NRXN1: variants seen among roughly 807,000 people sequenced by gnomAD.
NRXN1 encodes neurexin 1.
NRXN1 carries 39 observed loss-of-function variants against 150.9 expected under a neutral mutation model. That is an observed-to-expected ratio of 0.26 (90% CI 0.20 to 0.34). The LOEUF (loss-of-function observed/expected upper bound fraction) is 0.34. Among genes scored for constraint, NRXN1 ranks in the 10% least tolerant of loss-of-function variants. The pLI is 1.00. For missense variants in NRXN1, 1,815 were observed against 1,949.9 expected (o/e 0.93, Z 1.30); for synonymous variants, 924 against 757.0 (o/e 1.22, Z -3.62).
chr2:50,035,002 A>C (rs1558739316), intron 21 of NRXN1, among the ~76,000 whole-genome samples: 1 of 152,124 alleles, frequency 6.6e-6, no homozygotes, highest in Non-Finnish European at 1.5e-5. Context: ...GTAGAGTTAA[A>C]GTCATATACC....
At chr2:49,952,298 A>C (rs952212815) in intron 21 of NRXN1, among the ~76,000 whole-genome samples, 10 of 152,070 alleles carry the variant, frequency 6.6e-5, no homozygotes, top group Admixed American at 3.3e-4. Context: ...AGAGTACTGG[A>C]TTTTAGATAA....
chr2:50,351,053 G>A (rs1422416462), intron 17 of NRXN1, among the ~76,000 whole-genome samples: 1 of 152,172 alleles, frequency 6.6e-6, no homozygotes, highest in Non-Finnish European at 1.5e-5. Context: ...GCAAAAACAT[G>A]AGTAATCTGG....
intron 21 of NRXN1, chr2:49,974,123 G>A: frequency 1.4e-6 from 1 of 715,420 alleles, no homozygotes; most frequent in Non-Finnish European, 2.6e-6. Context: ...CTCAGTGGGA[G>A]ATCAAGATGA....
intron 14 of NRXN1, 28 bp from the exon 15 acceptor site, chr2:50,496,123 T>A: frequency 6.5e-7 from 1 of 1,538,160 alleles, no homozygotes; most frequent in Non-Finnish European, 8.8e-7. Flanking sequence ...GAGGGGAAAG[T>A]GCCATCACTT....
At chr2:50,930,491 T>C (rs1687578732) in intron 2 of NRXN1, among the ~76,000 whole-genome samples, 1 of 152,172 alleles carries the variant, frequency 6.6e-6, no homozygotes, top group South Asian at 2.1e-4. Flanking sequence ...TAATAACTGT[T>C]AGTCAACATA....
chr2:50,121,777 T>A (rs528680136), intron 18 of NRXN1, among the ~76,000 whole-genome samples: 1 of 152,206 alleles, frequency 6.6e-6, no homozygotes, highest in Non-Finnish European at 1.5e-5. Context: ...TACTTTGTTA[T>A]TAAGGATTAG....
At chr2:50,699,451 T>C (rs933438468) in intron 5 of NRXN1, among the ~76,000 whole-genome samples, 4 of 152,028 alleles carry the variant, frequency 2.6e-5, no homozygotes, top group Admixed American at 2.6e-4. Flanking sequence ...GGAGCTTTGT[T>C]TGGAGCAGGA....
intron 2 of NRXN1, among the ~76,000 whole-genome samples, chr2:50,996,852 T>C (rs1699373770): frequency 6.6e-6 from 1 of 152,030 alleles, no homozygotes; most frequent in Admixed American, 6.6e-5. Context: ...TACATTAGGA[T>C]TCTTCACATG....
chr2:50,086,716 G>A (rs933432190), intron 19 of NRXN1, among the ~76,000 whole-genome samples: 1 of 151,860 alleles, frequency 6.6e-6, no homozygotes, highest in Non-Finnish European at 1.5e-5. Context: ...CCTACAACTG[G>A]TTTCCATTTC....
At chr2:50,241,057 G>T (rs1054071091) in intron 17 of NRXN1, among the ~76,000 whole-genome samples, 1 of 151,522 alleles carries the variant, frequency 6.6e-6, no homozygotes, top group African/African-American at 2.4e-5. Context: ...TTGTAGCACA[G>T]ATTAGGACTT....
chr2:50,545,078 C>A (rs963086334), intron 9 of NRXN1, among the ~76,000 whole-genome samples: 1 of 151,956 alleles, frequency 6.6e-6, no homozygotes, highest in African/African-American at 2.4e-5. Context: ...AATTTTTCAA[C>A]GCCAAATTAT....
chr2:50,619,051 G>A (rs994620064), intron 8 of NRXN1: 2 of 152,054 alleles, frequency 1.3e-5, no homozygotes, highest in African/African-American at 4.8e-5. Flanking sequence ...AGAAGACAGG[G>A]AAGGATAATT....
At position 50,319,328 on chromosome 2, in the gene NRXN1, G is replaced by A. The variant is rs528219954; in HGVS notation, c.3365-82358C>T. Among the ~76,000 whole-genome samples the A allele has an allele frequency of 6.1e-4, 93 of 152,204 alleles. 1 individual carries two copies. The highest frequency in any genetic ancestry group is 2.1e-3 in the African/African-American group (89 of 41,542). ...TTAGAAATACTATGCTTCATAAAAC[G>A]TAGCATAAAGTTACACTGGCTGATA... On this transcript the variant is annotated intron_variant, in intron 17 of 22. Transcript: ENST00000401669.
chr2:50,917,212 A>G (rs1685332568), intron 5 of NRXN1: 1 of 151,636 alleles, frequency 6.6e-6, no homozygotes, highest in Non-Finnish European at 1.5e-5. Flanking sequence ...AGGGTCTGTC[A>G]ACATTCACAA....
At chr2:50,201,259 C>T (rs1376076878) in intron 18 of NRXN1, among the ~76,000 whole-genome samples, 3 of 152,092 alleles carry the variant, frequency 2.0e-5, no homozygotes, top group Non-Finnish European at 2.9e-5. Context: ...TGATTTTCAA[C>T]CTTGGTTGAA....
chr2:50,154,751 A>T (rs1345525780), intron 18 of NRXN1, among the ~76,000 whole-genome samples: 1 of 151,726 alleles, frequency 6.6e-6, no homozygotes, highest in East Asian at 1.9e-4. Context: ...GTTTTGCAAA[A>T]ACTTTTATGA....
chr2:50,973,084 AT>A (rs1221457284), intron 2 of NRXN1, among the ~76,000 whole-genome samples: 1 of 152,194 alleles, frequency 6.6e-6, no homozygotes, highest in Non-Finnish European at 1.5e-5. Context: ...AATTAAAAAA[AT>A]AACTATGATC....
intron 5 of NRXN1, among the ~76,000 whole-genome samples, chr2:50,625,238 T>C (rs983291271): frequency 6.6e-6 from 1 of 152,072 alleles, no homozygotes; most frequent in Non-Finnish European, 1.5e-5. Context: ...TGCCAGATGA[T>C]CTGCCTTCCT....
intron 5 of NRXN1, among the ~76,000 whole-genome samples, chr2:50,852,279 AC>A (rs1256511813): frequency 6.6e-6 from 1 of 152,122 alleles, no homozygotes; most frequent in Non-Finnish European, 1.5e-5. Flanking sequence ...GAGAAAATCT[AC>A]TCTTTCCCCT....
Sources: gnomAD v4.1 joint callset for allele counts (sites outside exome capture counted in the v4.1 genomes callset) on GRCh38, gnomAD v4.1.1 for gene constraint, MANE v1.5 for transcripts, NCBI Gene and HGNC (gene_info 2026-07-23, HGNC 2026-07-21) for gene names.